Variants in MAN2A1 observed in about 807,000 individuals in gnomAD.
MAN2A1 encodes the protein alpha-mannosidase 2.
In MAN2A1, 76 loss-of-function variants were observed where a neutral mutation model predicts 142.6. That is an observed-to-expected ratio of 0.53 (90% confidence interval 0.44 to 0.65). The LOEUF (loss-of-function observed/expected upper bound fraction) is 0.65, where lower values mean the gene tolerates loss of function less well. Among genes scored for constraint, MAN2A1 ranks in the 30% least tolerant of loss-of-function variants. The pLI is 0.00. For missense variants in MAN2A1, 1,311 were observed against 1,365.1 expected (o/e 0.96, Z 0.62); for synonymous variants, 559 against 473.2 (o/e 1.18, Z -2.35).
In MAN2A1 at chr5:109,817,407, C is replaced by T. The variant is rs1294997858; in HGVS notation, c.2078C>T (p.Thr693Ile). Residue 693 changes from threonine to isoleucine, a missense_variant, in exon 13 of 22, where the codon ACA (threonine) becomes ATA (isoleucine). Thr to Ile is a moderately conservative substitution (Grantham distance 89, BLOSUM62 -1). Transcript: ENST00000261483. ...VEVQVSAVWD[T>I]ANTISETAYE... ...GTTCAAGTCAGCGCAGTTTGGGATACAGCAAATACTATTTCAGAAACAGCC... is the reference window on the plus strand; with the variant it reads ...GTTCAAGTCAGCGCAGTTTGGGATATAGCAAATACTATTTCAGAAACAGCC... The T allele has an allele frequency of 6.2e-7, 1 of 1,613,974 alleles. No individual in the cohort carries two copies. Among genetic ancestry groups the T allele is most frequent in the South Asian group, 1.1e-5 (1 of 91,068 alleles).
At chr5:109,733,545 T>C (rs1421752415) in intron 4 of MAN2A1, among the ~76,000 whole-genome samples, 1 of 152,210 alleles carries the variant, frequency 6.6e-6, no homozygotes, top group Non-Finnish European at 1.5e-5. Context: ...CATCAATACC[T>C]AATTTATTGA....
At chr5:109,737,858 A>G (rs562303560) in intron 4 of MAN2A1, among the ~76,000 whole-genome samples, 19 of 152,284 alleles carry the variant, frequency 1.2e-4, no homozygotes, top group African/African-American at 4.6e-4. Flanking sequence ...TATTGGAAGG[A>G]GTATAGATTC....
intron 4 of MAN2A1, among the ~76,000 whole-genome samples, chr5:109,736,330 G>T (rs983598602): frequency 6.6e-6 from 1 of 152,002 alleles, no homozygotes; most frequent in Admixed American, 6.6e-5. Context: ...ATTGATATTT[G>T]TTTTATAAAG....
chr5:109,716,929 G>A (rs531190208), intron 3 of MAN2A1, among the ~76,000 whole-genome samples: 34 of 152,264 alleles, frequency 2.2e-4, no homozygotes, highest in African/African-American at 7.7e-4. Flanking sequence ...TGGGACCACA[G>A]ATTCCTCCCT....
intron 5 of MAN2A1, among the ~76,000 whole-genome samples, chr5:109,760,646 T>C (rs1055337325): frequency 1.2e-4 from 18 of 152,182 alleles, no homozygotes; most frequent in Non-Finnish European, 1.3e-4. Context: ...ATCTGTTGTT[T>C]CCTCACTTTT....
chr5:109,806,509 A>T lies in MAN2A1; in HGVS notation c.1944-10764A>T, dbSNP rs549687813. Among the ~76,000 whole-genome samples, 12 of 152,336 alleles carry T rather than the reference A, an allele frequency of 7.9e-5. No homozygotes were observed. In the East Asian group the frequency reaches 2.3e-3, roughly 29 times the overall value. On this transcript the variant is annotated intron_variant, in intron 12 of 21. Transcript: ENST00000261483. ...AATATAGCAAAAATATTCCTTTAAT[A>T]CAGTTTTATATTTGACTTACTGCTT... is the stretch of plus-strand genomic sequence containing the variant.
At position 109,868,680 on chromosome 5, in the gene MAN2A1, A is replaced by C. The variant is rs1755939349; in HGVS notation, c.*1682A>C. 2 of 152,224 alleles carry C rather than the reference A, an allele frequency of 1.3e-5. No homozygotes were observed. The highest frequency in any genetic ancestry group is 1.3e-4 in the Admixed American group (2 of 15,286). The allele number at this position is 152,224 out of a possible 1,614,324, so 9.4% of individuals were successfully genotyped here. A position where few individuals can be genotyped will look rare whatever the true frequency, so the allele number is the denominator to read the frequency against. On this transcript the variant is annotated 3_prime_UTR_variant, in exon 22 of 22. Transcript: ENST00000261483. ...AAGGAAACAATACCAGTGTTGATAA[A>C]GATATTACAAGGGGTAATTTCATGC...
At chr5:109,814,775 A>G (rs1361308711) in intron 12 of MAN2A1, among the ~76,000 whole-genome samples, 1 of 152,238 alleles carries the variant, frequency 6.6e-6, no homozygotes, top group African/African-American at 2.4e-5. Flanking sequence ...GTTTGCATTA[A>G]GTATGAGTAC....
chr5:109,709,520 T>A (rs1188718641), intron 1 of MAN2A1, among the ~76,000 whole-genome samples: 1 of 152,194 alleles, frequency 6.6e-6, no homozygotes, highest in Non-Finnish European at 1.5e-5. Context: ...GCTGGAAGGA[T>A]CACAGTGAGG....
intron 5 of MAN2A1, among the ~76,000 whole-genome samples, chr5:109,765,203 T>C (rs745306149): frequency 8.5e-5 from 13 of 152,176 alleles, no homozygotes; most frequent in Non-Finnish European, 1.8e-4. Context: ...TGGTCGTACA[T>C]TGCATTTAGT....
chr5:109,714,005 A>G (rs77731683), intron 2 of MAN2A1, among the ~76,000 whole-genome samples: 4,453 of 152,170 alleles, frequency 0.029, 197 homozygotes, highest in African/African-American at 0.1. Context: ...TTACGTGAAT[A>G]CAGTCTTTTT....
intron 19 of MAN2A1, chr5:109,853,780 C>T (rs1343590860): frequency 6.6e-6 from 1 of 152,114 alleles, no homozygotes; most frequent in African/African-American, 2.4e-5. Context: ...TCATGTTATT[C>T]TACGAGCTGC....
At chr5:109,743,049 A>AT (rs952016304) in intron 4 of MAN2A1, among the ~76,000 whole-genome samples, 1 of 151,998 alleles carries the variant, frequency 6.6e-6, no homozygotes, top group Non-Finnish European at 1.5e-5. Flanking sequence ...CTCAGAGAGG[A>AT]TTTTTTTGCA....
intron 1 of MAN2A1, among the ~76,000 whole-genome samples, chr5:109,702,081 T>G (rs1751000109): frequency 6.6e-6 from 1 of 152,138 alleles, no homozygotes; most frequent in Non-Finnish European, 1.5e-5. Context: ...AACCAAAAGC[T>G]GCACATCTTA....
chr5:109,734,143 T>C (rs1752010410), intron 4 of MAN2A1, among the ~76,000 whole-genome samples: 1 of 152,000 alleles, frequency 6.6e-6, no homozygotes, highest in Non-Finnish European at 1.5e-5. Flanking sequence ...TTCTAGTTTA[T>C]TTGCGTAGAG....
chr5:109,825,572 A>G (rs1289758013), intron 16 of MAN2A1, among the ~76,000 whole-genome samples: 1 of 152,188 alleles, frequency 6.6e-6, no homozygotes, highest in Non-Finnish European at 1.5e-5. Context: ...TGTGTAGACT[A>G]GATGGCCCTG....
chr5:109,860,543 G>C (rs962799812), intron 20 of MAN2A1, among the ~76,000 whole-genome samples: 2 of 152,152 alleles, frequency 1.3e-5, no homozygotes, highest in Non-Finnish European at 2.9e-5. Context: ...GCATCCTGGA[G>C]AATTTGGCCA....
chr5:109,841,109 T>C (rs1412670060), intron 16 of MAN2A1, among the ~76,000 whole-genome samples: 1 of 152,190 alleles, frequency 6.6e-6, no homozygotes, highest in Admixed American at 6.5e-5. Context: ...CTAATTGCTC[T>C]CTTTAGAAGG....
At chr5:109,865,182 G>A (rs780963733) in intron 21 of MAN2A1, 36 bp downstream of exon 21, 3 of 1,445,038 alleles carry the variant, frequency 2.1e-6, no homozygotes, top group African/African-American at 2.8e-5. Context: ...TACTGTTAGT[G>A]TGCTTTGAAA....
Sources: allele counts gnomAD v4.1 joint callset (sites outside exome capture counted in the v4.1 genomes callset), GRCh38; gene constraint gnomAD v4.1.1; transcripts MANE v1.5; gene names NCBI Gene and HGNC (gene_info 2026-07-23, HGNC 2026-07-21).